Variants in FCRL3 observed in about 807,000 individuals in gnomAD.
The protein encoded by FCRL3 is Fc receptor like 3.
A neutral mutation model predicts 75.0 loss-of-function variants in FCRL3; 89 were observed. The ratio of observed to expected loss-of-function variants is 1.19; its 90% CI spans 1.00 to 1.42. FCRL3 has a LOEUF of 1.42. Among genes scored for constraint, FCRL3 ranks in the 40% most tolerant of loss-of-function variants. The probability of loss-of-function intolerance (pLI) is 0.00; values close to 1 mark genes in which losing one functional copy is unlikely to be tolerated. For missense variants in FCRL3, 946 were observed against 880.0 expected (o/e 1.07, Z -0.95); for synonymous variants, 376 against 348.5 (o/e 1.08, Z -0.88).
Position 157,700,583 on chromosome 1 carries a change from G to T in FCRL3, c.-94C>A. 1.9e-6 allele frequency: 3 copies of T among 1,603,878 alleles called. No homozygotes were observed. Among genetic ancestry groups the T allele is most frequent in the Non-Finnish European group, 2.6e-6 (3 of 1,175,380 alleles). On this transcript the variant is annotated splice_region_variant and 5_prime_UTR_variant, in exon 2 of 15. Transcript: ENST00000368184. ...GGGCAGGAAGCTGCTACTCAGATGAGACCTGCAAGAATCAGAAAAGGGAAG... is the reference window on the plus strand; with the variant it reads ...GGGCAGGAAGCTGCTACTCAGATGATACCTGCAAGAATCAGAAAAGGGAAG...
At chr1:157,686,003 G>A (rs1466479277) in intron 10 of FCRL3, among the ~76,000 whole-genome samples, 2 of 151,952 alleles carry the variant, frequency 1.3e-5, no homozygotes, top group African/African-American at 2.4e-5. Context: ...GAAATAAAAA[G>A]CACCCAAATA....
chr1:157,685,498 T>G (rs905124054), intron 10 of FCRL3, among the ~76,000 whole-genome samples: 2 of 152,062 alleles, frequency 1.3e-5, no homozygotes, highest in Non-Finnish European at 2.9e-5. Flanking sequence ...GATTTCAATA[T>G]CCCACTGACA....
Position 157,676,682 on chromosome 1 carries a change from T to G in FCRL3, c.*2028A>C. ...ATGTACAGTTAGGACTCACCCCTTC[T>G]TCCACTCACATACTCTGATTTGCAC... On this transcript the variant is annotated 3_prime_UTR_variant, in exon 15 of 15. Transcript: ENST00000368184. 1 of 1,542,894 alleles carries G rather than the reference T, an allele frequency of 6.5e-7. No homozygotes were observed. Among genetic ancestry groups the G allele is most frequent in the Non-Finnish European group, 8.8e-7 (1 of 1,140,048 alleles).
chr1:157,684,540 T>C (rs1314405506), intron 10 of FCRL3, among the ~76,000 whole-genome samples: 2 of 152,174 alleles, frequency 1.3e-5, no homozygotes, highest in African/African-American at 2.4e-5. Context: ...GGAGTCAGTC[T>C]ATCTCCTTAT....
intron 6 of FCRL3, chr1:157,696,723 A>T: frequency 4.1e-6 from 1 of 246,690 alleles, no homozygotes; most frequent in Non-Finnish European, 7.8e-6. Flanking sequence ...CCAGATTTAC[A>T]TCCATGTCTC....
chr1:157,681,677 A>C (rs1654859970), intron 11 of FCRL3, among the ~76,000 whole-genome samples: 2 of 152,040 alleles, frequency 1.3e-5, no homozygotes, highest in African/African-American at 4.8e-5. Flanking sequence ...AGTCTTTGCT[A>C]TTGTGAATAG....
intron 13 of FCRL3, among the ~76,000 whole-genome samples, chr1:157,679,830 CA>C (rs1166825112): frequency 1.2e-4 from 6 of 49,914 alleles, no homozygotes; most frequent in Non-Finnish European, 2.0e-4. Context: ...CCCCATCTCA[CA>C]AAAAAAAAAA....
At position 157,690,549 on chromosome 1, in the gene FCRL3, T is replaced by C. The variant is rs181044060; in HGVS notation, c.1412-16A>G. 6.3e-5 allele frequency: 101 copies of C among 1,612,176 alleles called. No homozygotes were observed. In the African/African-American group the frequency reaches 1.1e-3, roughly 17 times the overall value. ...GACACCGGAACTGAGGGAGGAAAAA[T>C]AGTTCACTGGCAGTTTTACTTAAGT... On this transcript the variant is annotated splice_polypyrimidine_tract_variant and intron_variant, in intron 8 of 14. Transcript: ENST00000368184.
In FCRL3 at chr1:157,677,555, T is replaced by C. The variant is rs866209371; in HGVS notation, c.*1155A>G. On this transcript the variant is annotated 3_prime_UTR_variant, in exon 15 of 15. Coordinates refer to ENST00000368184, the MANE Select transcript of FCRL3 (RefSeq NM_052939.4). ...AATTGTTGGTACATTTTCATTTTTG[T>C]CATATTAAAAATTCAACACACTGTG... The C allele has an allele frequency of 2.4e-4, 234 of 985,422 alleles. 1 individual carries two copies. In the Middle Eastern group the frequency reaches 4.2e-3, roughly 18 times the overall value. The allele number at this position is 985,422 out of a possible 1,614,324, so 61.0% of individuals were successfully genotyped here. A position where few individuals can be genotyped will look rare whatever the true frequency, so the allele number is the denominator to read the frequency against.
At chr1:157,692,818 G>A (rs1287486826) in intron 8 of FCRL3, among the ~76,000 whole-genome samples, 1 of 152,054 alleles carries the variant, frequency 6.6e-6, no homozygotes, top group Non-Finnish European at 1.5e-5. Flanking sequence ...TTATGCTATG[G>A]AGATAATATT....
chr1:157,695,983 A>C, intron 7 of FCRL3, 57 bp downstream of exon 7: 7 of 1,409,534 alleles, frequency 5.0e-6, no homozygotes, highest in African/African-American at 1.6e-5. Flanking sequence ...AGTGGCTGAC[A>C]GAGAACCTAA....
chr1:157,686,408 T>C (rs1655179105), intron 10 of FCRL3, among the ~76,000 whole-genome samples: 1 of 152,236 alleles, frequency 6.6e-6, no homozygotes, highest in Middle Eastern at 3.4e-3. Context: ...AAATTACCAA[T>C]ATCATTCTTC....
At chr1:157,695,183 G>A in intron 8 of FCRL3, 146 bp downstream of exon 8, 1 of 800,202 alleles carries the variant, frequency 1.2e-6, no homozygotes. Context: ...GTAATCACTA[G>A]GAAGAATCCC....
chr1:157,688,498 T>A (rs929623784), intron 10 of FCRL3, among the ~76,000 whole-genome samples: 13 of 151,912 alleles, frequency 8.6e-5, no homozygotes, highest in Non-Finnish European at 1.9e-4. Flanking sequence ...AGATTTTAAT[T>A]CCCCTATCTC....
chr1:157,696,412 C>G (rs898146500), intron 6 of FCRL3, 85 bp from the exon 7 acceptor site: 98 of 1,443,718 alleles, frequency 6.8e-5, no homozygotes, highest in Non-Finnish European at 8.7e-5. Context: ...CATGAATAGG[C>G]CAATAGCAGC....
At position 157,690,529 on chromosome 1, in the gene FCRL3, C is replaced by T. The variant is rs139158249; in HGVS notation, c.1416G>A (p.Pro472=). 26 of 1,613,208 alleles carry T rather than the reference C, an allele frequency of 1.6e-5. No homozygotes were observed. The highest frequency in any genetic ancestry group is 1.6e-4 in the Middle Eastern group (1 of 6,076). ...SHGVSLRVTV[P]VSRPVLTLRA... ...TGAGGGTGAGGACGGGGCGAGACAC[C>T]GGAACTGAGGGAGGAAAAATAGTTC... Residue 472 remains proline (P), a synonymous_variant, in exon 9 of 15, where the codon CCG becomes CCA. Transcript: ENST00000368184.
chr1:157,681,132 G>T, intron 11 of FCRL3, 33 bp from the exon 12 acceptor site: 1 of 1,385,524 alleles, frequency 7.2e-7, no homozygotes, highest in Admixed American at 2.5e-5. Context: ...GGATTAAAAA[G>T]TATCTGTGGG....
At chr1:157,696,540 C>T in intron 6 of FCRL3, 1 of 570,834 alleles carries the variant, frequency 1.8e-6, no homozygotes, top group Non-Finnish European at 3.1e-6. Context: ...AATGTGGGCA[C>T]CAAGTCCATA....
chr1:157,700,463 G>A lies in FCRL3; in HGVS notation c.27C>T (p.Ile9=). The change falls in exon 2 of 15, where the codon ATC becomes ATT. Residue 9 remains isoleucine (I), a synonymous_variant. Coordinates refer to ENST00000368184, the MANE Select transcript of FCRL3 (RefSeq NM_052939.4). MLLWLLLL[I]LTPGREQSGV... is the part of the protein sequence containing the mutation. ...CATTATAGCCCATCTACTCACTCAG[G>A]ATCAGCAGCAGCAGCCACAGAAGCA... 1 of 1,613,998 alleles carries A rather than the reference G, an allele frequency of 6.2e-7. No individual in the cohort carries two copies. The highest frequency in any genetic ancestry group is 8.5e-7 in the Non-Finnish European group (1 of 1,179,968).
Sources: allele counts gnomAD v4.1 joint callset (sites outside exome capture counted in the v4.1 genomes callset), GRCh38; gene constraint gnomAD v4.1.1; transcripts MANE v1.5; gene names NCBI Gene and HGNC (gene_info 2026-07-23, HGNC 2026-07-21).